ERLIN1: variants seen among roughly 807,000 people sequenced by gnomAD.
ERLIN1 encodes ER lipid raft associated 1.
In ERLIN1, 24 loss-of-function variants were observed where a neutral mutation model predicts 46.9. The ratio of observed to expected loss-of-function variants is 0.51; its 90% CI spans 0.37 to 0.72. ERLIN1 has a LOEUF of 0.72. Ranked by LOEUF, ERLIN1 falls within the 30% of genes least tolerant of loss-of-function variation. ERLIN1 has a pLI of 0.00. For missense variants in ERLIN1, 293 were observed against 417.9 expected (o/e 0.70, Z 2.61); for synonymous variants, 158 against 143.2 (o/e 1.10, Z -0.74).
intron 2 of ERLIN1, among the ~76,000 whole-genome samples, chr10:100,181,425 TA>T (rs1467501820): frequency 1.3e-5 from 2 of 152,180 alleles, no homozygotes; most frequent in East Asian, 3.8e-4. Context: ...CCAAGTTTGT[TA>T]AACCATTTGT....
intron 8 of ERLIN1, among the ~76,000 whole-genome samples, chr10:100,156,560 A>G (rs1259026100): frequency 6.6e-6 from 1 of 152,228 alleles, no homozygotes; most frequent in African/African-American, 2.4e-5. Flanking sequence ...ACCACAGAAC[A>G]AAAACAGAGC....
chr10:100,180,250 G>A (rs150359357), intron 2 of ERLIN1, among the ~76,000 whole-genome samples: 404 of 152,298 alleles, frequency 2.7e-3, no homozygotes, highest in Middle Eastern at 0.01. Flanking sequence ...AGCACCTAAT[G>A]AGTACATTCT....
chr10:100,181,800 C>T (rs1021842131), intron 2 of ERLIN1, among the ~76,000 whole-genome samples: 16 of 152,208 alleles, frequency 1.1e-4, no homozygotes, highest in East Asian at 3.9e-4. Flanking sequence ...AGGCGTGAGC[C>T]GCCACGCCCG....
intron 8 of ERLIN1, among the ~76,000 whole-genome samples, chr10:100,158,830 GAAGAA>G (rs1057343302): frequency 3.3e-5 from 5 of 151,968 alleles, no homozygotes; most frequent in African/African-American, 1.2e-4. Context: ...CAAGTAAAAG[GAAGAA>G]AAGAAAAGAA....
Position 100,185,970 on chromosome 10 carries a change from G to A in ERLIN1, c.-344C>T, listed in dbSNP as rs1481420804. ...CCTCGGCCGCGCCTCACCGATCAGT[G>A]ACGCATCGCCCCCGCCCGCACGTGC... On this transcript the variant is annotated 5_prime_UTR_variant, in exon 1 of 11. Transcript: ENST00000421367. The A allele has an allele frequency of 6.6e-6, 3 of 451,528 alleles. No individual in the cohort carries two copies. Among genetic ancestry groups the A allele is most frequent in the South Asian group, 5.1e-5 (1 of 19,602 alleles). The allele number at this position is 451,528 out of a possible 1,614,324, so 28.0% of individuals were successfully genotyped here.
In ERLIN1 at chr10:100,155,736, G is replaced by A. The variant is rs534523714; in HGVS notation, c.745+409C>T. On this transcript the variant is annotated intron_variant, in intron 9 of 10. Coordinates refer to ENST00000421367, the MANE Select transcript of ERLIN1 (RefSeq NM_006459.4). ...TCACCGTTTTAGCCGGGATGGTCTC[G>A]ATCTCCTGACCTTGTGATCCGCCCG... is the stretch of plus-strand genomic sequence containing the variant. Among the ~76,000 whole-genome samples, 8 of 152,138 alleles carry A rather than the reference G, an allele frequency of 5.3e-5. No individual in the cohort carries two copies. The South Asian group carries it at 1.0e-3, about 20-fold the overall frequency.
chr10:100,167,385 T>G lies in ERLIN1; in HGVS notation c.526A>C (p.Lys176Gln). The change falls in exon 7 of 11, where the codon AAA becomes CAA. Residue 176 changes from lysine (K) to glutamine (Q), a missense_variant. Coordinates refer to ENST00000421367, the MANE Select transcript of ERLIN1 (RefSeq NM_006459.4). ...TTTCTTCTTATGGCTTCTGGGATTT[T>G]GGGTTTTGTAACACGCACAGCCTAA... ...TIQAVRVTKP[K>Q]IPEAIRRNFE... is the part of the protein sequence containing the mutation. The G allele has an allele frequency of 6.2e-7, 1 of 1,613,484 alleles. No homozygotes were observed. Among genetic ancestry groups the G allele is most frequent in the Non-Finnish European group, 8.5e-7 (1 of 1,179,590 alleles).
At chr10:100,174,322 AT>A (rs3835272) in intron 5 of ERLIN1, 41 bp from the exon 6 acceptor site, 37 of 1,398,614 alleles carry the variant, frequency 2.6e-5, no homozygotes, top group Non-Finnish European at 3.3e-5. Context: ...ATGATAGTCA[AT>A]TTTTTTTACA....
intron 4 of ERLIN1, among the ~76,000 whole-genome samples, chr10:100,176,850 C>A (rs752789455): frequency 6.6e-6 from 1 of 152,126 alleles, no homozygotes. Flanking sequence ...CGACTGGGCG[C>A]GGTGGCTCAT....
At chr10:100,170,632 G>A (rs933026128) in intron 6 of ERLIN1, among the ~76,000 whole-genome samples, 2 of 152,108 alleles carry the variant, frequency 1.3e-5, no homozygotes, top group Non-Finnish European at 2.9e-5. Flanking sequence ...AGATGGAGGT[G>A]TGGTCAGTTT....
At position 100,185,527 on chromosome 10, in the gene ERLIN1, C is replaced by A. The variant is rs1414272190; in HGVS notation, c.100G>T (p.Ala34Ser). 1.2e-6 allele frequency: 2 copies of A among 1,613,072 alleles called. No homozygotes were observed. The highest frequency in any genetic ancestry group is 2.2e-5 in the East Asian group (1 of 44,884). The change falls in exon 1 of 11, where the codon GCT becomes TCT. Residue 34 changes from alanine (A) to serine (S), a missense_variant. Ala to Ser is a moderately conservative substitution (Grantham distance 99). This residue lies in a region of ERLIN1 where 76 missense variants were observed against 77.0 expected (regional missense o/e 0.99). Coordinates refer to ENST00000421367, the MANE Select transcript of ERLIN1 (RefSeq NM_006459.4). Reference sequence around the variant, plus strand: ...CATGCCGCTCACCTGTAGTACACAGCCAGATGGCCCTCCTCAATCTTGTGG... The same window carrying A: ...CATGCCGCTCACCTGTAGTACACAGACAGATGGCCCTCCTCAATCTTGTGG... ...SIHKIEEGHL[A>S]VYYRGGALLT...
Position 100,185,588 on chromosome 10 carries a change from C to T in ERLIN1, c.39G>A (p.Val13=). The change falls in exon 1 of 11, where the codon GTG becomes GTA. Residue 13 remains valine (V), a synonymous_variant. Transcript: ENST00000421367. The part of the protein sequence containing the change: ...MTQARVLVAA[V]VGLVAVLLYA... Reference sequence around the variant, plus strand: ...AGAGCAGGACAGCCACCAACCCCACCACTGCAGCCACCAGAACCCGGGCTT... The same window carrying T: ...AGAGCAGGACAGCCACCAACCCCACTACTGCAGCCACCAGAACCCGGGCTT... 6.2e-7 allele frequency: 1 copy of T among 1,614,072 alleles called. No homozygotes were observed. Among genetic ancestry groups the T allele is most frequent in the Non-Finnish European group, 8.5e-7 (1 of 1,179,898 alleles).
At chr10:100,182,744 A>G (rs1844734900) in intron 2 of ERLIN1, among the ~76,000 whole-genome samples, 1 of 152,236 alleles carries the variant, frequency 6.6e-6, no homozygotes, top group Non-Finnish European at 1.5e-5. Flanking sequence ...TATAGATCAG[A>G]AGAGGAAGAA....
At chr10:100,182,699 A>C (rs1844731508) in intron 2 of ERLIN1, among the ~76,000 whole-genome samples, 1 of 152,242 alleles carries the variant, frequency 6.6e-6, no homozygotes, top group African/African-American at 2.4e-5. Context: ...AAAATAAGAC[A>C]AAGGGCCAAA....
Position 100,185,571 on chromosome 10 carries a change from A to G in ERLIN1, c.56T>C (p.Val19Ala), listed in dbSNP as rs753619955. The G allele has an allele frequency of 6.2e-7, 1 of 1,614,028 alleles. No individual in the cohort carries two copies. Among genetic ancestry groups the G allele is most frequent in the Non-Finnish European group, 8.5e-7 (1 of 1,179,884 alleles). Reference protein sequence around the residue: ...LVAAVVGLVAVLLYASIHKIE... With the variant: ...LVAAVVGLVAALLYASIHKIE... ...CTTGTGGATGGAGGCGTAGAGCAGG[A>G]CAGCCACCAACCCCACCACTGCAGC... Residue 19 changes from valine to alanine, a missense_variant, in exon 1 of 11, where the codon GTC (valine) becomes GCC (alanine). Val to Ala is a moderately conservative substitution (Grantham distance 64). Transcript: ENST00000421367.
chr10:100,163,433 T>C (rs944183023), intron 8 of ERLIN1, among the ~76,000 whole-genome samples: 12 of 151,706 alleles, frequency 7.9e-5, no homozygotes, highest in African/African-American at 2.9e-4. Context: ...GCTTTCATTA[T>C]ATTGTTCTCT....
At chr10:100,167,683 C>G (rs1198234971) in intron 6 of ERLIN1, among the ~76,000 whole-genome samples, 8 of 152,290 alleles carry the variant, frequency 5.3e-5, no homozygotes, top group Non-Finnish European at 8.8e-5. Flanking sequence ...GAAAAAGGTT[C>G]TCACTTAAAA....
intron 1 of ERLIN1, among the ~76,000 whole-genome samples, chr10:100,185,248 C>T (rs1396243886): frequency 6.6e-6 from 1 of 152,108 alleles, no homozygotes; most frequent in African/African-American, 2.4e-5. Context: ...TCCTTTCTTC[C>T]TTCTTCATTT....
intron 6 of ERLIN1, among the ~76,000 whole-genome samples, chr10:100,168,813 G>A (rs1338930739): frequency 8.6e-5 from 13 of 151,848 alleles, no homozygotes; most frequent in Admixed American, 8.5e-4. Flanking sequence ...CTTAGTTGCT[G>A]GGATTACAGG....
Sources: gnomAD v4.1 joint callset for allele counts (sites outside exome capture counted in the v4.1 genomes callset) on GRCh38, gnomAD v4.1.1 for gene constraint, gnomAD v4.1.1 regional missense constraint, MANE v1.5 for transcripts, NCBI Gene and HGNC (gene_info 2026-07-23, HGNC 2026-07-21) for gene names.